The following ZC3H12B variants were observed in gnomAD, a reference collection of about 807,000 sequenced individuals.
ZC3H12B encodes the protein zinc finger CCCH-type containing 12B.
In ZC3H12B, 7 loss-of-function variants were observed where a neutral mutation model predicts 43.9. That is an observed-to-expected ratio of 0.16 (90% CI 0.09 to 0.30). The LOEUF is 0.30. Ranked by LOEUF, ZC3H12B falls within the 10% of genes least tolerant of loss-of-function variation. The probability of loss-of-function intolerance (pLI) is 1.00; values close to 1 mark genes in which losing one functional copy is unlikely to be tolerated. For synonymous variants in ZC3H12B, 222 were observed against 241.7 expected (o/e 0.92, Z 0.76); for missense variants, 475 against 670.2 (o/e 0.71, Z 3.22).
intron 2 of ZC3H12B, among the ~76,000 whole-genome samples, chrX:65,498,094 G>A (rs1475762506): frequency 1.8e-5 from 2 of 110,555 alleles, no homozygotes; most frequent in Non-Finnish European, 3.8e-5. Flanking sequence ...TAGTAGAGAT[G>A]GAGTTTTGCC....
At chrX:65,193,678 C>T in the ZC3H12B span, among the ~76,000 whole-genome samples, 1 of 111,353 alleles carries the variant, frequency 9.0e-6, no homozygotes, top group Non-Finnish European at 1.9e-5. Context: ...TTTGTGGTTT[C>T]AATTGTTCTT....
chrX:65,079,923 C>A, the ZC3H12B span, among the ~76,000 whole-genome samples: 1 of 110,860 alleles, frequency 9.0e-6, no homozygotes, highest in Admixed American at 9.6e-5. Context: ...ATATGATCTT[C>A]CAGACAGAGA....
chrX:65,151,284 G>A, the ZC3H12B span, among the ~76,000 whole-genome samples: 1 of 111,736 alleles, frequency 8.9e-6, no homozygotes, highest in African/African-American at 3.2e-5. Context: ...TTTAAAAAAT[G>A]ATAAAAGTAC....
the ZC3H12B span, among the ~76,000 whole-genome samples, chrX:65,205,378 A>T: frequency 8.9e-6 from 1 of 111,812 alleles, no homozygotes; most frequent in Admixed American, 9.6e-5. Flanking sequence ...CTTGAATGAC[A>T]GTCAAAGGGC....
chrX:65,041,436 C>T, the ZC3H12B span, among the ~76,000 whole-genome samples: 1 of 111,804 alleles, frequency 8.9e-6, no homozygotes, highest in East Asian at 2.8e-4. Context: ...AAGGGAGGAA[C>T]ATCTAGGTTT....
chrX:65,469,426 C>T, intron 3 of ZC3H12B: 1 of 463,097 alleles, frequency 2.2e-6, no homozygotes, highest in South Asian at 3.1e-5. Flanking sequence ...TCGGGAATGC[C>T]AGAGCTGCGG....
At chrX:65,358,750 A>T in the ZC3H12B span, among the ~76,000 whole-genome samples, 1 of 111,575 alleles carries the variant, frequency 9.0e-6, no homozygotes, top group Non-Finnish European at 1.9e-5. Flanking sequence ...TAAAATCGAC[A>T]CCCTAACATC....
chrX:65,200,189 T>C, the ZC3H12B span, among the ~76,000 whole-genome samples: 1 of 111,275 alleles, frequency 9.0e-6, no homozygotes, highest in Non-Finnish European at 1.9e-5. Flanking sequence ...TGATTTCCAT[T>C]TCTCTAATGA....
rs779496102 is a variant in ZC3H12B, at chrX:65,461,663, G to A, written n.408-26983G>A. ...TGGGAATTGAACAATGAGAACACATGGACACAGGAAGGGCAACATCACACA... is the reference window on the plus strand; with the variant it reads ...TGGGAATTGAACAATGAGAACACATAGACACAGGAAGGGCAACATCACACA... On this transcript the variant is annotated intron_variant and non_coding_transcript_variant, in intron 3 of 5. Transcript: ENST00000617377. Among the ~76,000 whole-genome samples, 158 of 111,060 alleles carry A rather than the reference G, an allele frequency of 1.4e-3. 1 individual carries two copies. Among genetic ancestry groups the A allele is most frequent in the African/African-American group, 5.1e-3 (156 of 30,536 alleles).
intron 3 of ZC3H12B, among the ~76,000 whole-genome samples, chrX:65,452,303 C>A (rs186830223): frequency 9.0e-6 from 1 of 111,396 alleles, no homozygotes; most frequent in Admixed American, 9.6e-5. Context: ...CTCCAAAAAG[C>A]TGCTAGAACT....
chrX:65,248,002 T>C, the ZC3H12B span, among the ~76,000 whole-genome samples: 2 of 111,053 alleles, frequency 1.8e-5, no homozygotes, highest in African/African-American at 6.7e-5. Context: ...AAAATTGTTT[T>C]GAAATTCTGT....
At chrX:65,450,749 A>T (rs1398165136) in intron 3 of ZC3H12B, among the ~76,000 whole-genome samples, 1 of 56,767 alleles carries the variant, frequency 1.8e-5, no homozygotes, top group Non-Finnish European at 2.6e-5. Context: ...ATATATATAC[A>T]TATGTGTATA....
intron 3 of ZC3H12B, among the ~76,000 whole-genome samples, chrX:65,412,559 C>G (rs1357218182): frequency 1.8e-5 from 2 of 111,505 alleles, no homozygotes; most frequent in African/African-American, 6.5e-5. Context: ...CCTTGACCTC[C>G]GGGGCTCAAT....
the ZC3H12B span, among the ~76,000 whole-genome samples, chrX:65,343,605 C>G: frequency 8.9e-6 from 1 of 111,883 alleles, no homozygotes; most frequent in African/African-American, 3.2e-5. Context: ...ATGCAGAAAA[C>G]GATTTTGATA....
chrX:65,120,896 T>C, the ZC3H12B span, among the ~76,000 whole-genome samples: 1 of 111,857 alleles, frequency 8.9e-6, no homozygotes, highest in Non-Finnish European at 1.9e-5. Flanking sequence ...TTTCTACATT[T>C]ATTGAGATAA....
the ZC3H12B span, among the ~76,000 whole-genome samples, chrX:65,187,871 GT>G: frequency 9.1e-6 from 1 of 110,000 alleles, no homozygotes; most frequent in Admixed American, 9.8e-5. Flanking sequence ...TAGCCACCTT[GT>G]TGTGCTATCC....
chrX:65,334,053 C>T, the ZC3H12B span, among the ~76,000 whole-genome samples: 8 of 111,902 alleles, frequency 7.1e-5, no homozygotes, highest in Middle Eastern at 9.3e-3. Flanking sequence ...CATACTTCAC[C>T]ATTGCATTAG....
chrX:65,445,878 C>T (rs2067369282), intron 3 of ZC3H12B, among the ~76,000 whole-genome samples: 1 of 111,847 alleles, frequency 8.9e-6, no homozygotes, highest in Non-Finnish European at 1.9e-5. Flanking sequence ...AGGTAAAGTG[C>T]TTTTTACTCT....
chrX:65,257,002 G>A, the ZC3H12B span, among the ~76,000 whole-genome samples: 10 of 112,191 alleles, frequency 8.9e-5, no homozygotes, highest in Non-Finnish European at 1.9e-4. Flanking sequence ...TACACTGTTG[G>A]TGGGACTGTA....
Sources: allele counts gnomAD v4.1 joint callset (sites outside exome capture counted in the v4.1 genomes callset), GRCh38; gene constraint gnomAD v4.1.1; transcripts MANE v1.5; gene names NCBI Gene and HGNC (gene_info 2026-07-23, HGNC 2026-07-21).